Variants in COL4A4 observed in about 807,000 individuals in gnomAD.
COL4A4 encodes collagen type IV alpha 4 chain.
A neutral mutation model predicts 192.9 loss-of-function variants in COL4A4; 105 were observed. The ratio of observed to expected loss-of-function variants is 0.54; its 90% CI spans 0.46 to 0.64. The LOEUF (loss-of-function observed/expected upper bound fraction) is 0.64. Ranked by LOEUF, COL4A4 falls within the 30% of genes least tolerant of loss-of-function variation. The pLI is 0.00. For synonymous variants in COL4A4, 762 were observed against 769.9 expected, an observed-to-expected ratio of 0.99 and a Z score of 0.17; for missense variants, 1,967 against 2,169.3, an observed-to-expected ratio of 0.91 and a Z score of 1.85.
intron 9 of COL4A4, 116 bp downstream of exon 9, chr2:227,111,562 C>A: frequency 1.8e-6 from 2 of 1,119,384 alleles, no homozygotes; most frequent in Non-Finnish European, 2.7e-6. Flanking sequence ...CCCACATTTT[C>A]ATTTTGCACT....
chr2:227,059,572 G>C lies in COL4A4; in HGVS notation c.2216C>G (p.Ser739Cys). The change falls in exon 28 of 48, where the codon TCC becomes TGC. Residue 739 changes from serine to cysteine, a missense_variant. By Grantham distance (112) the Ser-to-Cys change is moderately radical. Transcript: ENST00000396625. ...DPGFGGEKGSSPVGPPGPPGS... is the reference protein window; with the variant it reads ...DPGFGGEKGSCPVGPPGPPGS... ...GGGAGGGCCTGGGGGCCCAACAGGG[G>C]AGGACCCCTTTTCACCTCCAAAACC... The C allele has an allele frequency of 6.2e-7, 1 of 1,614,072 alleles. No homozygotes were observed. Among genetic ancestry groups the C allele is most frequent in the South Asian group, 1.1e-5 (1 of 91,068 alleles).
intron 9 of COL4A4, among the ~76,000 whole-genome samples, chr2:227,111,044 T>C (rs1489384803): frequency 6.6e-6 from 1 of 152,220 alleles, no homozygotes; most frequent in Non-Finnish European, 1.5e-5. Context: ...ATATAATCAT[T>C]GAATTGCTGG....
rs995500435 is a variant in COL4A4 at position 227,108,452 on chromosome 2, A to G, written c.735+129T>C. ...GGTGCCATAATAATTCGGCAAAGAA[A>G]AGTTCTCAGCCATAAAATTGGGCAG... is the stretch of plus-strand genomic sequence containing the variant. On this transcript the variant is annotated intron_variant, in intron 12 of 47. Coordinates refer to ENST00000396625, the MANE Select transcript of COL4A4 (RefSeq NM_000092.5). 1.5e-5 allele frequency: 13 copies of G among 875,684 alleles called. No individual in the cohort carries two copies. In the African/African-American group the frequency reaches 1.5e-4, roughly 10 times the overall value. 54.2% of individuals were successfully genotyped at this position (875,684 alleles called of 1,614,324 possible).
intron 1 of COL4A4, among the ~76,000 whole-genome samples, chr2:227,148,561 A>G (rs1047230566): frequency 1.3e-5 from 2 of 152,194 alleles, no homozygotes; most frequent in African/African-American, 4.8e-5. Context: ...TTATGAATAT[A>G]CTAAAAACCT....
intron 8 of COL4A4, among the ~76,000 whole-genome samples, chr2:227,111,976 T>C (rs2061235769): frequency 1.3e-5 from 2 of 152,198 alleles, no homozygotes; most frequent in Non-Finnish European, 1.5e-5. Context: ...TTTGTTTAAA[T>C]TGTTCTAAAT....
At chr2:227,009,452 C>T (rs1311211137) in intron 46 of COL4A4, among the ~76,000 whole-genome samples, 2 of 152,066 alleles carry the variant, frequency 1.3e-5, no homozygotes, top group Admixed American at 6.5e-5. Flanking sequence ...ACCTGTAATC[C>T]CAGCACTATG....
chr2:227,091,664 G>T (rs1347472238), intron 20 of COL4A4, among the ~76,000 whole-genome samples: 1 of 151,960 alleles, frequency 6.6e-6, no homozygotes, highest in Non-Finnish European at 1.5e-5. Context: ...GAGGCCAAAG[G>T]GGGCAGATCA....
At chr2:227,093,393 A>G (rs1201823849) in intron 20 of COL4A4, among the ~76,000 whole-genome samples, 1 of 152,200 alleles carries the variant, frequency 6.6e-6, no homozygotes, top group Non-Finnish European at 1.5e-5. Flanking sequence ...AGAGGTCACA[A>G]GATTTGCAAT....
Position 227,109,058 on chromosome 2 carries a change from G to A in COL4A4, c.657+166C>T, listed in dbSNP as rs1371536567. 1.2e-5 allele frequency: 11 copies of A among 890,676 alleles called. No homozygotes were observed. In the Admixed American group the frequency reaches 1.9e-4, roughly 15 times the overall value. 55.2% of individuals were successfully genotyped at this position (890,676 alleles called of 1,614,324 possible). A position where few individuals can be genotyped will look rare whatever the true frequency, so the allele number is the denominator to read the frequency against. ...GTCAGTGGCTCATCCGCAGGGACCT[G>A]TGCTTCAAGATGGAGTCCCACTGAT... On this transcript the variant is annotated intron_variant, in intron 10 of 47. Coordinates refer to ENST00000396625, the MANE Select transcript of COL4A4 (RefSeq NM_000092.5).
In COL4A4 at chr2:227,062,563, T is replaced by C. The variant is rs1018765959; in HGVS notation, c.2023A>G (p.Arg675Gly). Residue 675 changes from arginine to glycine, a missense_variant, in exon 26 of 48, where the codon AGG becomes GGG. By Grantham distance (125) the Arg-to-Gly change is moderately radical. Coordinates refer to ENST00000396625, the MANE Select transcript of COL4A4 (RefSeq NM_000092.5). ...CCATCAAAACCTGGAGGGCCATGCC[T>C]CCCAGGGTAGGTTACGTTGCAAGAA... Reference protein sequence around the residue: ...TISCNVTYPGRHGPPGFDGPP... With the variant: ...TISCNVTYPGGHGPPGFDGPP... 3.1e-6 allele frequency: 5 copies of C among 1,612,616 alleles called. No homozygotes were observed. The African/African-American group carries it at 6.7e-5, about 22-fold the overall frequency.
chr2:227,028,361 C>T (rs1057265704), intron 41 of COL4A4, among the ~76,000 whole-genome samples: 1 of 152,154 alleles, frequency 6.6e-6, no homozygotes, highest in African/African-American at 2.4e-5. Context: ...CCTCCCCAGG[C>T]GAGTTCAACC....
intron 29 of COL4A4, 26 bp downstream of exon 29, chr2:227,057,413 G>A (rs1160248464): frequency 1.3e-6 from 2 of 1,583,760 alleles, no homozygotes; most frequent in Admixed American, 3.6e-5. Context: ...GTAAGCCCCA[G>A]ACCCTTCACA....
chr2:227,145,680 T>C (rs1010930317), intron 2 of COL4A4, among the ~76,000 whole-genome samples: 15 of 152,192 alleles, frequency 9.9e-5, no homozygotes, highest in African/African-American at 3.4e-4. Context: ...CTCTAAAACC[T>C]CATGTCCTAA....
intron 1 of COL4A4, among the ~76,000 whole-genome samples, chr2:227,157,970 T>C (rs2064488845): frequency 6.6e-6 from 1 of 152,050 alleles, no homozygotes; most frequent in Admixed American, 6.5e-5. Flanking sequence ...TACAGAACAA[T>C]ATATCTTGTG....
At chr2:227,111,449 A>C (rs2061202713) in intron 9 of COL4A4, among the ~76,000 whole-genome samples, 1 of 152,214 alleles carries the variant, frequency 6.6e-6, no homozygotes. Context: ...ATGAGCTTCA[A>C]GTACAGCTTC....
chr2:227,001,854 A>T (rs1961035727), downstream of COL4A4, among the ~76,000 whole-genome samples: 1 of 152,150 alleles, frequency 6.6e-6, no homozygotes, highest in African/African-American at 2.4e-5. Flanking sequence ...TGGCCCAAAT[A>T]CCAATGAAGT....
At chr2:227,051,988 G>A (rs1183161508) in intron 32 of COL4A4, among the ~76,000 whole-genome samples, 2 of 152,110 alleles carry the variant, frequency 1.3e-5, no homozygotes, top group Non-Finnish European at 2.9e-5. Flanking sequence ...TCAGGAGTTT[G>A]AGACCAGCCT....
At chr2:227,050,888 T>A (rs575878941) in intron 33 of COL4A4, 89 bp downstream of exon 33, 2 of 1,487,796 alleles carry the variant, frequency 1.3e-6, no homozygotes, top group African/African-American at 2.8e-5. Context: ...GGCAATGGTA[T>A]ATACGCTGGC....
rs776687068 is a variant in COL4A4 at position 227,007,601 on chromosome 2, CAA to C, written c.4810-15_4810-14del. 2.2e-5 allele frequency: 35 copies of C among 1,612,140 alleles called. No homozygotes were observed. The highest frequency in any genetic ancestry group is 2.2e-4 in the Middle Eastern group (1 of 4,534). ...CAGCTCCTGTGTGCTACCCAGAAAA[CAA>C]GAGAGAATTAGGGCTCAGACACACA... On this transcript the variant is annotated splice_polypyrimidine_tract_variant and intron_variant, in intron 47 of 47. Coordinates refer to ENST00000396625, the MANE Select transcript of COL4A4 (RefSeq NM_000092.5).
Sources: allele counts gnomAD v4.1 joint callset (sites outside exome capture counted in the v4.1 genomes callset), GRCh38; gene constraint gnomAD v4.1.1; transcripts MANE v1.5; gene names NCBI Gene and HGNC (gene_info 2026-07-23, HGNC 2026-07-21).